Variants in PRH1 observed in about 807,000 individuals in gnomAD.
PRH1 encodes proline rich protein HaeIII subfamily 1, also known as salivary acidic proline-rich phosphoprotein 1/2.
Under a neutral mutation model 7.9 loss-of-function variants are expected in PRH1, and 7 were observed. The observed-to-expected ratio is 0.89, with a 90% CI of 0.50 to 1.67. PRH1 has a LOEUF of 1.67. PRH1 is among the 40% of genes most tolerant of loss of function. The pLI, the probability that PRH1 is intolerant of heterozygous loss-of-function variation, is 0.00. For missense variants in PRH1, 109 were observed against 223.6 expected, an observed-to-expected ratio of 0.49 and a Z score of 3.27; for synonymous variants, 45 against 80.8, an observed-to-expected ratio of 0.56 and a Z score of 2.38.
chr12:10,946,620 T>C (rs1950491141), intron 2 of PRH1, among the ~76,000 whole-genome samples: 1 of 152,226 alleles, frequency 6.6e-6, no homozygotes, highest in South Asian at 2.1e-4. Flanking sequence ...GAATGGTTTT[T>C]TGTGTCTTAA....
chr12:11,106,519 C>T (rs1945420367), intron 1 of PRH1, among the ~76,000 whole-genome samples: 1 of 151,992 alleles, frequency 6.6e-6, no homozygotes, highest in African/African-American at 2.4e-5. Context: ...TTAAAATACT[C>T]AGCAATTGTG....
intron 2 of PRH1, among the ~76,000 whole-genome samples, chr12:10,901,908 C>T (rs1430425934): frequency 1.3e-5 from 2 of 151,740 alleles, no homozygotes; most frequent in African/African-American, 2.4e-5. Flanking sequence ...GCCAGTATTG[C>T]CAGAGGAGGA....
chr12:10,930,845 C>A (rs545756264), intron 2 of PRH1: 1 of 1,613,632 alleles, frequency 6.2e-7, no homozygotes, highest in East Asian at 2.2e-5. Context: ...CAAGGACCAC[C>A]CCAACAGGGA....
chr12:11,111,388 C>T (rs996647975), intron 1 of PRH1, among the ~76,000 whole-genome samples: 1 of 152,180 alleles, frequency 6.6e-6, no homozygotes, highest in African/African-American at 2.4e-5. Context: ...CTAAAACTGA[C>T]CACATAAGTG....
At position 10,938,599 on chromosome 12, in the gene PRH1, G is replaced by A. The variant is rs117092928; in HGVS notation, c.-59+35056C>T. The A allele has an allele frequency of 3.5e-3, 5,701 of 1,613,948 alleles. 16 individuals carry two copies. The highest frequency in any genetic ancestry group is 4.5e-3 in the Non-Finnish European group (5,291 of 1,179,918). On this transcript the variant is annotated intron_variant, in intron 2 of 3. Transcript: ENST00000539853. ...TCTTCTTGCGATGTTTCCACATGGA[G>A]AAGATGAGGAGAAGAAACATTGCCA...
intron 1 of PRH1, among the ~76,000 whole-genome samples, chr12:11,106,909 A>G (rs866170459): frequency 2.6e-5 from 4 of 152,204 alleles, no homozygotes; most frequent in African/African-American, 7.2e-5. Flanking sequence ...AACTGCTTTC[A>G]ATTTTATCTG....
chr12:10,886,435 C>T (rs1244385429), upstream of PRH1, among the ~76,000 whole-genome samples: 1 of 152,192 alleles, frequency 6.6e-6, no homozygotes, highest in Non-Finnish European at 1.5e-5. Context: ...TGCTCCCTAA[C>T]CTGCTCCAAT....
At chr12:11,033,016 T>A (rs1180083817) in intron 1 of PRH1, among the ~76,000 whole-genome samples, 4 of 152,130 alleles carry the variant, frequency 2.6e-5, no homozygotes, top group Admixed American at 2.6e-4. Context: ...TGATCCAGAT[T>A]AAATTGGCAA....
chr12:10,914,175 T>C (rs1949940609), intron 2 of PRH1, among the ~76,000 whole-genome samples: 1 of 152,164 alleles, frequency 6.6e-6, no homozygotes, highest in Non-Finnish European at 1.5e-5. Flanking sequence ...GTAAATCACA[T>C]ATTTGAAAGT....
intron 1 of PRH1, among the ~76,000 whole-genome samples, chr12:11,110,785 A>G (rs902573913): frequency 5.9e-5 from 9 of 152,272 alleles, no homozygotes; most frequent in Non-Finnish European, 1.2e-4. Flanking sequence ...TAATTATAGG[A>G]AAAAAATCAC....
chr12:10,932,174 G>C (rs11837896), intron 2 of PRH1: 4,291 of 426,204 alleles, frequency 0.01, 157 homozygotes, highest in African/African-American at 0.078. Flanking sequence ...TGAGGTATTA[G>C]ACATTTCCTG....
At chr12:10,902,551 C>T (rs967372752) in intron 2 of PRH1, among the ~76,000 whole-genome samples, 2 of 151,982 alleles carry the variant, frequency 1.3e-5, no homozygotes, top group South Asian at 4.2e-4. Flanking sequence ...AAATGAACAT[C>T]ACCAAAGCAT....
chr12:11,096,526 A>C lies in PRH1; in HGVS notation n.124-49338T>G, dbSNP rs1463300904. 2.1e-4 allele frequency among the ~76,000 whole-genome samples: 24 copies of C among 116,104 alleles called. 5 individuals carry two copies. The highest frequency in any genetic ancestry group is 6.9e-4 in the African/African-American group (24 of 34,694). The allele number at this position is 116,104 out of a possible 152,430, so 76.2% of individuals were successfully genotyped here. On this transcript the variant is annotated intron_variant and non_coding_transcript_variant, in intron 1 of 4. Coordinates refer to the PRH1 transcript ENST00000541977. ...ACATGAAAATGGTAATGATATTTTT[A>C]TTTTTGTAATACTTTGGTCAAAGAA...
intron 2 of PRH1, chr12:10,938,821 C>T (rs570619255): frequency 9.9e-6 from 16 of 1,613,276 alleles, no homozygotes; most frequent in Non-Finnish European, 1.4e-5. Context: ...GCACCAAAAC[C>T]ACCTTTTTAA....
intron 1 of PRH1, among the ~76,000 whole-genome samples, chr12:11,044,325 T>C (rs1256485140): frequency 6.6e-6 from 1 of 152,104 alleles, no homozygotes; most frequent in Non-Finnish European, 1.5e-5. Flanking sequence ...CCTCAAACCA[T>C]GAAGCTCCCA....
At chr12:10,890,775 G>A (rs978171823) in intron 2 of PRH1, among the ~76,000 whole-genome samples, 12 of 151,614 alleles carry the variant, frequency 7.9e-5, no homozygotes, top group Non-Finnish European at 1.6e-4. Context: ...CATTTGGGTG[G>A]CTGAGGTGGG....
chr12:11,155,291 G>A (rs549451756), intron 1 of PRH1, among the ~76,000 whole-genome samples: 33 of 152,292 alleles, frequency 2.2e-4, no homozygotes, highest in African/African-American at 7.7e-4. Flanking sequence ...TCAAAAAAGA[G>A]AGGTGGAAAA....
intron 1 of PRH1, among the ~76,000 whole-genome samples, chr12:11,038,269 G>C (rs141001198): frequency 1.8e-3 from 275 of 152,274 alleles, no homozygotes; most frequent in African/African-American, 6.4e-3. Context: ...GAAACAGAAA[G>C]AGAAAAAATT....
chr12:11,133,288 G>C (rs748451403), intron 1 of PRH1: 2 of 1,604,738 alleles, frequency 1.2e-6, no homozygotes, highest in Admixed American at 1.7e-5. Flanking sequence ...TTTTCTGCTA[G>C]AAGACACACA....
Sources: allele counts gnomAD v4.1 joint callset (sites outside exome capture counted in the v4.1 genomes callset), GRCh38; gene constraint gnomAD v4.1.1; transcripts MANE v1.5; gene names NCBI Gene and HGNC (gene_info 2026-07-23, HGNC 2026-07-21).